VPS39: variants seen among roughly 807,000 people sequenced by gnomAD.
VPS39 encodes vam6/Vps39-like protein.
A neutral mutation model predicts 121.0 loss-of-function variants in VPS39; 70 were observed. That is an observed-to-expected ratio of 0.58 (90% CI 0.48 to 0.71). VPS39 has a LOEUF of 0.71. VPS39 is among the 30% of genes least tolerant of loss of function. VPS39 has a pLI of 0.00. For missense variants in VPS39, 818 were observed against 1,051.5 expected, an observed-to-expected ratio of 0.78 and a Z score of 3.07; for synonymous variants, 378 against 398.1, an observed-to-expected ratio of 0.95 and a Z score of 0.60.
At chr15:42,191,953 TCTAGA>T in intron 2 of VPS39, 1 of 1,311,612 alleles carries the variant, frequency 7.6e-7, no homozygotes, top group South Asian at 1.3e-5. Context: ...CATCCTTAGA[TCTAGA>T]CCAACTAATT....
chr15:42,185,304 G>A (rs767600435), intron 7 of VPS39, among the ~76,000 whole-genome samples: 2 of 150,358 alleles, frequency 1.3e-5, no homozygotes, highest in South Asian at 4.2e-4. Flanking sequence ...TCAGCCTCCT[G>A]AGTAGCTGGA....
At chr15:42,163,790 ATGCT>A in intron 19 of VPS39, 62 bp from the exon 20 acceptor site, 1 of 1,228,790 alleles carries the variant, frequency 8.1e-7, no homozygotes, top group South Asian at 1.3e-5. Context: ...GGTGGGGGCT[ATGCT>A]GTCAGAGGAG....
rs2049145736 is a variant in VPS39 at position 42,162,333 on chromosome 15, TTGG to T, written c.2321_2323del (p.Thr774del). The T allele has an allele frequency of 6.2e-7, 1 of 1,610,030 alleles. No homozygotes were observed. The highest frequency in any genetic ancestry group is 1.7e-5 in the Admixed American group (1 of 59,622). ...ATCTCCCTAGGAACAACTCCTGACC[TTGG>T]TGGTGTCCAGTTTGCTGTGGTGTAG... On this transcript the variant is annotated inframe_deletion and splice_region_variant, in exon 22 of 25. Transcript: ENST00000318006.
rs2049508462 is a variant in VPS39, at chr15:42,178,614, T to C, written c.719-44A>G. 5 of 1,609,416 alleles carry C rather than the reference T, an allele frequency of 3.1e-6. No homozygotes were observed. The East Asian group carries it at 8.9e-5, about 29-fold the overall frequency. On this transcript the variant is annotated intron_variant, in intron 8 of 24. Coordinates refer to ENST00000318006, the MANE Select transcript of VPS39 (RefSeq NM_015289.5). The stretch of plus-strand genomic sequence containing the variant: ...ACAGCAGTTGTTCCGGTCTAAGGCT[T>C]TGGGTTTATGGAGTGTTTCAGCTGC...
chr15:42,179,275 C>T (rs2663092), intron 8 of VPS39, among the ~76,000 whole-genome samples: 7,424 of 151,794 alleles, frequency 0.049, 435 homozygotes, highest in African/African-American at 0.12. Flanking sequence ...AGAAAAGTGG[C>T]GGGAGGGGGA....
chr15:42,166,110 T>A, intron 16 of VPS39, 49 bp downstream of exon 16: 1 of 1,561,084 alleles, frequency 6.4e-7, no homozygotes, highest in Non-Finnish European at 8.8e-7. Flanking sequence ...TCAAGTGCAA[T>A]CAGAACCAAG....
chr15:42,166,443 T>A, intron 15 of VPS39, 120 bp downstream of exon 15: 1 of 1,236,974 alleles, frequency 8.1e-7, no homozygotes, highest in Non-Finnish European at 1.1e-6. Context: ...TTTGGAGGAA[T>A]GAAATTGAGT....
intron 2 of VPS39, among the ~76,000 whole-genome samples, chr15:42,196,382 G>A (rs532563503): frequency 1.5e-3 from 231 of 152,074 alleles, no homozygotes; most frequent in Non-Finnish European, 2.8e-3. Flanking sequence ...GAGTGAACAG[G>A]CAACCTACAG....
chr15:42,166,787 CCTT>C lies in VPS39; in HGVS notation c.1501_1503del (p.Lys501del), dbSNP rs1370708390. ...ACTCCCACACCTTTCTCGTGGAGCCCCTTCTTCTCATACAGGATGATAAGCTCA... is the reference window on the plus strand; with the variant it reads ...ACTCCCACACCTTTCTCGTGGAGCCCCTTCTCATACAGGATGATAAGCTCA... On this transcript the variant is annotated inframe_deletion, in exon 14 of 25. Transcript: ENST00000318006. 5.0e-6 allele frequency: 8 copies of C among 1,614,166 alleles called. No individual in the cohort carries two copies. Among genetic ancestry groups the C allele is most frequent in the Non-Finnish European group, 6.8e-6 (8 of 1,179,984 alleles).
chr15:42,164,340 C>G lies in VPS39; in HGVS notation c.2026+18G>C. ...GACCTTCGCTGAAGTGGCTTCTGGC[C>G]CTAAGCCAGACACTCACCATCAAAG... On this transcript the variant is annotated intron_variant, in intron 19 of 24. Transcript: ENST00000318006. The G allele has an allele frequency of 1.2e-6, 2 of 1,613,882 alleles. No homozygotes were observed. The highest frequency in any genetic ancestry group is 1.7e-6 in the Non-Finnish European group (2 of 1,179,814).
chr15:42,161,351 TC>T, intron 24 of VPS39: 1 of 425,982 alleles, frequency 2.3e-6, no homozygotes, highest in Non-Finnish European at 4.4e-6. Flanking sequence ...ATCTTTTTCT[TC>T]CTTCACTGGA....
intron 20 of VPS39, 81 bp downstream of exon 20, chr15:42,163,545 G>C (rs2049181106): frequency 2.6e-6 from 4 of 1,517,538 alleles, no homozygotes; most frequent in Non-Finnish European, 2.7e-6. Context: ...GGAGTATGGG[G>C]AGATGGCCTT....
rs541543259 is a variant in VPS39, at chr15:42,188,891, G to A, written c.342+223C>T. On this transcript the variant is annotated intron_variant, in intron 5 of 24. Coordinates refer to ENST00000318006, the MANE Select transcript of VPS39 (RefSeq NM_015289.5). The stretch of plus-strand genomic sequence containing the variant: ...TGAGGCAAGAGAATCACTTGAGCCC[G>A]AGAGGCAGGGGTTGCAGTGAGCCGA... 4.6e-5 allele frequency among the ~76,000 whole-genome samples: 7 copies of A among 152,210 alleles called. No homozygotes were observed. The East Asian group carries it at 1.2e-3, about 25-fold the overall frequency.
At chr15:42,179,590 T>C (rs1595661362) in intron 8 of VPS39, among the ~76,000 whole-genome samples, 1 of 97,906 alleles carries the variant, frequency 1.0e-5, no homozygotes, top group Non-Finnish European at 2.2e-5. Context: ...AATAAATAAA[T>C]AAATAAATAA....
At chr15:42,198,877 G>C (rs983646956) in intron 2 of VPS39, among the ~76,000 whole-genome samples, 3 of 152,138 alleles carry the variant, frequency 2.0e-5, no homozygotes, top group Non-Finnish European at 4.4e-5. Context: ...TGCTGACCCT[G>C]ATTTAGAGGA....
rs372749604 is a variant in VPS39 at position 42,199,981 on chromosome 15, CA to C, written c.74-21del. 14 of 1,475,794 alleles carry C rather than the reference CA, an allele frequency of 9.5e-6. No individual in the cohort carries two copies. The African/African-American group carries it at 1.3e-4, about 13-fold the overall frequency. The allele number at this position is 1,475,794 out of a possible 1,614,324, so 91.4% of individuals were successfully genotyped here. On this transcript the variant is annotated intron_variant, in intron 1 of 24. Coordinates refer to ENST00000318006, the MANE Select transcript of VPS39 (RefSeq NM_015289.5). Reference sequence around the variant, plus strand: ...ATTCCTCTGGAAAAACAAAACAAAACAAAAACAAAAACAAAAAAAAACCAGC... The same window carrying C: ...ATTCCTCTGGAAAAACAAAACAAAACAAAACAAAAACAAAAAAAAACCAGC...
chr15:42,163,059 C>T (rs1199190179), intron 21 of VPS39, among the ~76,000 whole-genome samples: 1 of 152,186 alleles, frequency 6.6e-6, no homozygotes, highest in East Asian at 1.9e-4. Flanking sequence ...TACATCAGAA[C>T]CATGACGGGT....
intron 24 of VPS39, chr15:42,161,418 G>C: frequency 1.8e-6 from 1 of 547,212 alleles, no homozygotes; most frequent in Non-Finnish European, 3.4e-6. Context: ...CACTATATCA[G>C]GTTCTAGCTT....
intron 15 of VPS39, 70 bp downstream of exon 15, chr15:42,166,487 CCAGAAA>C: frequency 6.5e-7 from 1 of 1,538,564 alleles, no homozygotes; most frequent in Non-Finnish European, 9.0e-7. Context: ...GAGCAACCAA[CCAGAAA>C]CAGAAACAGA....
Sources: allele counts gnomAD v4.1 joint callset (sites outside exome capture counted in the v4.1 genomes callset), GRCh38; gene constraint gnomAD v4.1.1; transcripts MANE v1.5; gene names NCBI Gene and HGNC (gene_info 2026-07-23, HGNC 2026-07-21).